Variants in LY86 observed in about 807,000 individuals in gnomAD.
The protein encoded by LY86 is MD-1, RP105-associated.
A neutral mutation model predicts 17.3 loss-of-function variants in LY86; 20 were observed. The observed-to-expected ratio is 1.15, with a 90% CI of 0.81 to 1.68. The LOEUF (loss-of-function observed/expected upper bound fraction) is 1.68. LY86 is among the 40% of genes most tolerant of loss of function. The pLI, the probability that LY86 is intolerant of heterozygous loss-of-function variation, is 0.00. For missense variants in LY86, 200 were observed against 191.9 expected (o/e 1.04, Z -0.25); for synonymous variants, 74 against 70.6 (o/e 1.05, Z -0.24).
intron 1 of LY86, among the ~76,000 whole-genome samples, chr6:6,596,199 AAAAC>A (rs1760708000): frequency 6.6e-6 from 1 of 152,238 alleles, no homozygotes; most frequent in Non-Finnish European, 1.5e-5. Flanking sequence ...TGAAGAATGT[AAAAC>A]ATCTCCGTAC....
Position 6,654,730 on chromosome 6 carries a change from A to ATCTC in LY86, c.*103_*104insTCTC. The ATCTC allele has an allele frequency of 1.0e-6, 1 of 1,002,886 alleles. No individual in the cohort carries two copies. The highest frequency in any genetic ancestry group is 1.5e-6 in the Non-Finnish European group (1 of 655,572). 62.1% of individuals were successfully genotyped at this position (1,002,886 alleles called of 1,614,324 possible). On this transcript the variant is annotated 3_prime_UTR_variant, in exon 5 of 5. Transcript: ENST00000230568. ...AGGAGAAGCAGCTGATGACAGAGAG[A>ATCTC]GGCTCTACAAAGAAGCGCCCCCAAA...
rs76742500 is a variant in LY86, at chr6:6,608,558, T to C, written c.137-16368T>C. Reference sequence around the variant, plus strand: ...CCCAGTCCTTTTTTTCTTTCTCCAGTTTTCAGCAGCTTAAGCCTGGGCAAA... The same window carrying C: ...CCCAGTCCTTTTTTTCTTTCTCCAGCTTTCAGCAGCTTAAGCCTGGGCAAA... On this transcript the variant is annotated intron_variant, in intron 1 of 4. Coordinates refer to ENST00000230568, the MANE Select transcript of LY86 (RefSeq NM_004271.4). 4.0e-3 allele frequency among the ~76,000 whole-genome samples: 609 copies of C among 152,322 alleles called. 1 individual carries two copies. Among genetic ancestry groups the C allele is most frequent in the Middle Eastern group, 0.02 (6 of 294 alleles).
At chr6:6,635,589 A>C (rs1418500507) in intron 3 of LY86, among the ~76,000 whole-genome samples, 1 of 152,180 alleles carries the variant, frequency 6.6e-6, no homozygotes, top group Non-Finnish European at 1.5e-5. Context: ...CACCTATGTT[A>C]TACTTGTTTG....
At chr6:6,612,215 T>A (rs531567677) in intron 1 of LY86, among the ~76,000 whole-genome samples, 1 of 152,182 alleles carries the variant, frequency 6.6e-6, no homozygotes, top group African/African-American at 2.4e-5. Context: ...ACCCTCACAG[T>A]TAAGTTCTTC....
At chr6:6,606,497 TG>T (rs1469467492) in intron 1 of LY86, among the ~76,000 whole-genome samples, 2 of 152,102 alleles carry the variant, frequency 1.3e-5, no homozygotes, top group Non-Finnish European at 2.9e-5. Flanking sequence ...GGGTGGTCGA[TG>T]GGACCGGGGC....
At chr6:6,594,512 T>C (rs1427891629) in intron 1 of LY86, among the ~76,000 whole-genome samples, 1 of 152,194 alleles carries the variant, frequency 6.6e-6, no homozygotes, top group African/African-American at 2.4e-5. Flanking sequence ...CCACAGAGCG[T>C]TATAATCATC....
Position 6,654,687 on chromosome 6 carries a change from G to A in LY86, c.*60G>A, listed in dbSNP as rs1762235654. 3 of 1,405,864 alleles carry A rather than the reference G, an allele frequency of 2.1e-6. No homozygotes were observed. The East Asian group carries it at 6.9e-5, about 32-fold the overall frequency. The allele number at this position is 1,405,864 out of a possible 1,614,324, so 87.1% of individuals were successfully genotyped here. ...TCTCGTGGGACCTCCAAGCTCCTCTGACTGAACCTACTGTGGGAGGAGAAG... is the reference window on the plus strand; with the variant it reads ...TCTCGTGGGACCTCCAAGCTCCTCTAACTGAACCTACTGTGGGAGGAGAAG... On this transcript the variant is annotated 3_prime_UTR_variant, in exon 5 of 5. Transcript: ENST00000230568.
chr6:6,595,295 AGAG>A (rs542293437), intron 1 of LY86, among the ~76,000 whole-genome samples: 20 of 147,868 alleles, frequency 1.4e-4, no homozygotes, highest in East Asian at 4.0e-4. Context: ...GTGGGGAAGA[AGAG>A]GAGAAGGAGG....
chr6:6,648,718 C>G (rs937545242), intron 3 of LY86, among the ~76,000 whole-genome samples: 16 of 151,922 alleles, frequency 1.1e-4, no homozygotes, highest in African/African-American at 2.9e-4. Flanking sequence ...AATTCCCCAC[C>G]ACCCTAGGAA....
At chr6:6,596,505 C>A (rs1760717995) in intron 1 of LY86, among the ~76,000 whole-genome samples, 1 of 152,234 alleles carries the variant, frequency 6.6e-6, no homozygotes, top group South Asian at 2.1e-4. Context: ...CCCAGATTAA[C>A]AAGGATATAA....
In LY86 at chr6:6,624,869, T is replaced by A. The variant is rs1761756217; in HGVS notation, c.137-57T>A. ...AAACAATATTGTTGCAAATTTTGAA[T>A]ATGTTTGCAAAATATACGATGTACT... On this transcript the variant is annotated intron_variant, in intron 1 of 4. Transcript: ENST00000230568. The A allele has an allele frequency of 2.6e-5, 20 of 773,698 alleles. 1 individual carries two copies. In the South Asian group the frequency reaches 3.2e-4, roughly 12 times the overall value. The allele number at this position is 773,698 out of a possible 1,614,324, so 47.9% of individuals were successfully genotyped here. A position where few individuals can be genotyped will look rare whatever the true frequency, so the allele number is the denominator to read the frequency against.
rs1762174631 is a variant in LY86, at chr6:6,650,639, T to C, written c.405+962T>C. ...CCTCAGAGAATCTTATGGAACAATA[T>C]GAAAAGGATCACAAAAATGTGATTT... is the stretch of plus-strand genomic sequence containing the variant. On this transcript the variant is annotated intron_variant, in intron 4 of 4. Coordinates refer to ENST00000230568, the MANE Select transcript of LY86 (RefSeq NM_004271.4). Among the ~76,000 whole-genome samples, 8 of 152,310 alleles carry C rather than the reference T, an allele frequency of 5.3e-5. No homozygotes were observed. The South Asian group carries it at 1.7e-3, about 32-fold the overall frequency.
intron 1 of LY86, among the ~76,000 whole-genome samples, chr6:6,619,057 T>G (rs1168273134): frequency 1.3e-5 from 2 of 152,176 alleles, no homozygotes; most frequent in African/African-American, 4.8e-5. Context: ...GCCTTATGCA[T>G]CATCCTCCTG....
chr6:6,609,899 A>C (rs1197965279), intron 1 of LY86, among the ~76,000 whole-genome samples: 2 of 152,196 alleles, frequency 1.3e-5, no homozygotes, highest in Admixed American at 1.3e-4. Flanking sequence ...TGTATGGCCA[A>C]GATTGGCTAC....
At chr6:6,652,423 C>A (rs980919082) in intron 4 of LY86, among the ~76,000 whole-genome samples, 1 of 152,114 alleles carries the variant, frequency 6.6e-6, no homozygotes, top group African/African-American at 2.4e-5. Flanking sequence ...AATGGCAGTT[C>A]CCATGTGGCC....
At chr6:6,609,755 G>A (rs758054909) in intron 1 of LY86, among the ~76,000 whole-genome samples, 17 of 152,022 alleles carry the variant, frequency 1.1e-4, no homozygotes, top group Non-Finnish European at 2.2e-4. Flanking sequence ...AGGAAGGCCA[G>A]GGAGAAAAAT....
At chr6:6,614,576 A>G (rs896489544) in intron 1 of LY86, among the ~76,000 whole-genome samples, 3 of 151,940 alleles carry the variant, frequency 2.0e-5, no homozygotes, top group African/African-American at 4.8e-5. Context: ...GTTCTTCTCC[A>G]CATTGGGAGT....
intron 1 of LY86, among the ~76,000 whole-genome samples, chr6:6,594,252 C>T (rs78829749): frequency 0.012 from 1,763 of 152,230 alleles, 29 homozygotes; most frequent in South Asian, 0.033. Flanking sequence ...AACTAGAGCC[C>T]GCAGGCCAAA....
intron 3 of LY86, among the ~76,000 whole-genome samples, chr6:6,640,858 G>A (rs1216971071): frequency 1.3e-5 from 2 of 152,122 alleles, no homozygotes; most frequent in Non-Finnish European, 2.9e-5. Flanking sequence ...TTCATTACAA[G>A]TACACAGTGA....
Sources: allele counts gnomAD v4.1 joint callset (sites outside exome capture counted in the v4.1 genomes callset), GRCh38; gene constraint gnomAD v4.1.1; transcripts MANE v1.5; gene names NCBI Gene and HGNC (gene_info 2026-07-23, HGNC 2026-07-21).